Variants in KCNC2 observed in about 807,000 individuals in gnomAD.
The protein encoded by KCNC2 is voltage-gated potassium channel KCNC2.
KCNC2 carries 21 observed loss-of-function variants against 44.5 expected under a neutral mutation model. The observed-to-expected ratio is 0.47, with a 90% CI of 0.33 to 0.68. The LOEUF (loss-of-function observed/expected upper bound fraction) is 0.68, where lower values mean the gene tolerates loss of function less well. Among genes scored for constraint, KCNC2 ranks in the 30% least tolerant of loss-of-function variants. The probability of loss-of-function intolerance (pLI) is 0.01; values close to 1 mark genes in which losing one functional copy is unlikely to be tolerated. For missense variants in KCNC2, 589 were observed against 826.2 expected (o/e 0.71, Z 3.52); for synonymous variants, 391 against 339.1 (o/e 1.15, Z -1.68).
chr12:75,180,917 CTT>C (rs138544737), intron 2 of KCNC2, among the ~76,000 whole-genome samples: 3,282 of 152,102 alleles, frequency 0.022, 105 homozygotes, highest in African/African-American at 0.075. Flanking sequence ...TTTTTGATAA[CTT>C]ATACCTTTTC....
intron 2 of KCNC2, among the ~76,000 whole-genome samples, chr12:75,205,710 C>T (rs1226017686): frequency 6.6e-6 from 1 of 152,016 alleles, no homozygotes; most frequent in Non-Finnish European, 1.5e-5. Flanking sequence ...TCTTTTTAGC[C>T]ACCAAGTGGA....
chr12:75,165,215 G>A (rs959346680), intron 2 of KCNC2, among the ~76,000 whole-genome samples: 2 of 151,184 alleles, frequency 1.3e-5, no homozygotes, highest in African/African-American at 2.4e-5. Flanking sequence ...TTTTATGTAA[G>A]CATACAAATG....
At chr12:75,209,118 G>A (rs1466301898) in intron 1 of KCNC2, 89 bp downstream of exon 1, 4 of 152,426 alleles carry the variant, frequency 2.6e-5, no homozygotes, top group Non-Finnish European at 5.9e-5. Flanking sequence ...TTGCGGAAAG[G>A]CGGAGCGGGG....
intron 2 of KCNC2, among the ~76,000 whole-genome samples, chr12:75,141,099 A>C (rs1889620957): frequency 6.6e-6 from 1 of 152,208 alleles, no homozygotes; most frequent in Admixed American, 6.5e-5. Flanking sequence ...ACAATTGCAT[A>C]ACCCACCATA....
At chr12:75,208,626 C>A (rs1006774678) in intron 1 of KCNC2, among the ~76,000 whole-genome samples, 1 of 149,288 alleles carries the variant, frequency 6.7e-6, no homozygotes, top group East Asian at 2.0e-4. Context: ...CTAGGTCAAC[C>A]CCGGACCCCT....
chr12:75,113,942 G>A (rs1191096115), intron 2 of KCNC2, among the ~76,000 whole-genome samples: 3 of 152,076 alleles, frequency 2.0e-5, no homozygotes, highest in African/African-American at 7.3e-5. Context: ...CTTAATTACG[G>A]CTTATTTATT....
chr12:75,185,750 T>A (rs1735283721), intron 2 of KCNC2, among the ~76,000 whole-genome samples: 1 of 152,120 alleles, frequency 6.6e-6, no homozygotes. Flanking sequence ...AATTTAATTA[T>A]AAATTTTATT....
Position 75,147,086 on chromosome 12 carries a change from A to G in KCNC2, c.687+60211T>C, listed in dbSNP as rs569307500. On this transcript the variant is annotated intron_variant, in intron 2 of 4. Coordinates refer to ENST00000549446, the MANE Select transcript of KCNC2 (RefSeq NM_139137.4). ...GTTTAGCAAGTTTGCTAGCTATGTG[A>G]TCAATACTCAAAAATTCTTACCATC... Among the ~76,000 whole-genome samples the G allele has an allele frequency of 3.9e-5, 6 of 152,324 alleles. No individual in the cohort carries two copies. The East Asian group carries it at 7.7e-4, about 20-fold the overall frequency.
chr12:75,088,657 G>GGCCTCTTCCCTGCCTCTTCCCT (rs138138136), intron 2 of KCNC2, among the ~76,000 whole-genome samples: 2 of 151,274 alleles, frequency 1.3e-5, no homozygotes, highest in African/African-American at 2.4e-5. Context: ...TACATTGGAA[G>GGCCTCTTCCCTGCCTCTTCCCT]GCCTCTTCCC....
chr12:75,159,137 G>T (rs1386846499), intron 2 of KCNC2, among the ~76,000 whole-genome samples: 1 of 147,008 alleles, frequency 6.8e-6, no homozygotes, highest in African/African-American at 2.5e-5. Context: ...GGGGAAAGGG[G>T]AGGGATAGTA....
chr12:75,094,022 T>C (rs531475916), intron 2 of KCNC2, among the ~76,000 whole-genome samples: 3 of 151,800 alleles, frequency 2.0e-5, no homozygotes, highest in South Asian at 2.1e-4. Flanking sequence ...TCTTTTTAAA[T>C]TGTTGCTAAC....
chr12:75,095,279 CTTAG>C lies in KCNC2; in HGVS notation c.688-43966_688-43963del, dbSNP rs149216313. ...CTGGCAAGCAACTCTATTATATTCT[CTTAG>C]TTAGATCAAATTCATGGGTTTAGTT... On this transcript the variant is annotated intron_variant, in intron 2 of 4. Transcript: ENST00000549446. Among the ~76,000 whole-genome samples the C allele has an allele frequency of 1.2e-3, 175 of 151,930 alleles. 2 individuals are homozygous for C. Among genetic ancestry groups the C allele is most frequent in the African/African-American group, 4.0e-3 (168 of 41,540 alleles).
intron 2 of KCNC2, among the ~76,000 whole-genome samples, chr12:75,193,067 T>C (rs2446345): frequency 0.4 from 61,472 of 151,870 alleles, 15,178 homozygotes; most frequent in African/African-American, 0.71. Flanking sequence ...CCAGACACTG[T>C]TCATAACTCT....
intron 2 of KCNC2, among the ~76,000 whole-genome samples, chr12:75,131,719 T>C (rs1414277335): frequency 6.6e-6 from 1 of 152,168 alleles, no homozygotes; most frequent in African/African-American, 2.4e-5. Flanking sequence ...GGAGTGAAGA[T>C]GGCCCTCTGA....
intron 2 of KCNC2, among the ~76,000 whole-genome samples, chr12:75,133,623 G>T (rs900815674): frequency 6.6e-6 from 1 of 151,862 alleles, no homozygotes; most frequent in Non-Finnish European, 1.5e-5. Flanking sequence ...TTTAGCAGTG[G>T]CATTTCATAA....
intron 2 of KCNC2, among the ~76,000 whole-genome samples, chr12:75,206,686 G>C (rs1388449811): frequency 6.6e-6 from 1 of 152,180 alleles, no homozygotes; most frequent in Admixed American, 6.5e-5. Context: ...AACAATCCTA[G>C]TATTCGTCTC....
intron 2 of KCNC2, among the ~76,000 whole-genome samples, chr12:75,071,436 A>G (rs11180349): frequency 0.42 from 63,532 of 152,006 alleles, 16,548 homozygotes; most frequent in Non-Finnish European, 0.59. Flanking sequence ...AACCCAACAC[A>G]TTATTTGTAA....
intron 2 of KCNC2, among the ~76,000 whole-genome samples, chr12:75,157,206 A>T (rs964077238): frequency 5.9e-5 from 9 of 151,988 alleles, no homozygotes; most frequent in Non-Finnish European, 2.9e-5. Context: ...TAAGAAAGTA[A>T]ATGAAATTCA....
chr12:75,095,663 A>C (rs1343753602), intron 2 of KCNC2, among the ~76,000 whole-genome samples: 2 of 151,914 alleles, frequency 1.3e-5, no homozygotes, highest in Non-Finnish European at 2.9e-5. Flanking sequence ...TACCCACATT[A>C]ACTCTGGTCT....
Sources: allele counts gnomAD v4.1 joint callset (sites outside exome capture counted in the v4.1 genomes callset), GRCh38; gene constraint gnomAD v4.1.1; transcripts MANE v1.5; gene names NCBI Gene and HGNC (gene_info 2026-07-23, HGNC 2026-07-21).